Variants in GET1 observed in about 807,000 individuals in gnomAD.
The protein encoded by GET1 is congenital heart disease 5 protein.
GET1 carries 20 observed loss-of-function variants against 22.6 expected under a neutral mutation model. The ratio of observed to expected loss-of-function variants is 0.89; its 90% CI spans 0.62 to 1.29. The LOEUF is 1.29. GET1 is among the 50% of genes most tolerant of loss of function. The pLI is 0.00. For synonymous variants in GET1, 92 were observed against 83.8 expected, an observed-to-expected ratio of 1.10 and a Z score of -0.53; for missense variants, 209 against 219.9, an observed-to-expected ratio of 0.95 and a Z score of 0.31.
intron 1 of GET1, among the ~76,000 whole-genome samples, chr21:39,425,644 C>G (rs1353392123): frequency 2.0e-5 from 3 of 152,084 alleles, no homozygotes; most frequent in Non-Finnish European, 4.4e-5. Flanking sequence ...TAGGGAAGCT[C>G]TAGACCCAGG....
chr21:39,417,827 G>A (rs544717477), intron 1 of GET1, among the ~76,000 whole-genome samples: 41 of 152,000 alleles, frequency 2.7e-4, no homozygotes, highest in East Asian at 2.3e-3. Flanking sequence ...GTGCGGTGGC[G>A]TGATCTCCGC....
At chr21:39,398,901 A>G (rs2038769581), downstream of GET1, among the ~76,000 whole-genome samples, 2 of 149,370 alleles carry the variant, frequency 1.3e-5, no homozygotes, top group African/African-American at 5.0e-5. Context: ...CATGACGCCC[A>G]GCTAATTTTT....
downstream of GET1, among the ~76,000 whole-genome samples, chr21:39,400,876 T>G (rs959449134): frequency 2.0e-5 from 3 of 151,946 alleles, no homozygotes; most frequent in African/African-American, 7.3e-5. Flanking sequence ...AAGGGTAGGG[T>G]AATCATTCCT....
intron 1 of GET1, chr21:39,387,689 A>ACC (rs2038000243): frequency 7.8e-5 from 13 of 165,626 alleles, no homozygotes; most frequent in African/African-American, 5.9e-4. Flanking sequence ...TACTCCCCAC[A>ACC]CTCCCCCCCC....
chr21:39,385,707 A>T (rs563184587), intron 1 of GET1, among the ~76,000 whole-genome samples: 1 of 151,432 alleles, frequency 6.6e-6, no homozygotes, highest in Admixed American at 6.6e-5. Flanking sequence ...GCGTCGCAGG[A>T]CTGGCCCGGG....
chr21:39,407,047 C>T (rs143896955), downstream of GET1, among the ~76,000 whole-genome samples: 540 of 152,052 alleles, frequency 3.6e-3, 6 homozygotes, highest in African/African-American at 0.012. Flanking sequence ...GGCAACATAG[C>T]GAAACCCTGT....
chr21:39,420,584 G>C (rs2042136899), intron 1 of GET1: 1 of 678,850 alleles, frequency 1.5e-6, no homozygotes, highest in South Asian at 2.8e-5. Flanking sequence ...CCCTACAAAG[G>C]GTAGAGGAGC....
At chr21:39,392,871 T>A in intron 3 of GET1, 1 of 302,960 alleles carries the variant, frequency 3.3e-6, no homozygotes. Context: ...GTAGATTGTG[T>A]TCATCCTAAA....
At chr21:39,391,020 T>TCTG in intron 2 of GET1, 157 bp downstream of exon 2, 1 of 720,696 alleles carries the variant, frequency 1.4e-6, no homozygotes, top group Non-Finnish European at 2.1e-6. Context: ...AAGTATTACT[T>TCTG]TCCTCTTATT....
At chr21:39,415,724 ATC>A (rs1485500478) in intron 1 of GET1, among the ~76,000 whole-genome samples, 1 of 152,198 alleles carries the variant, frequency 6.6e-6, no homozygotes, top group East Asian at 1.9e-4. Context: ...TGATTAATAT[ATC>A]TCTTACTGTC....
At chr21:39,390,168 A>G (rs1360885857) in intron 1 of GET1, among the ~76,000 whole-genome samples, 1 of 151,162 alleles carries the variant, frequency 6.6e-6, no homozygotes, top group Non-Finnish European at 1.5e-5. Context: ...AGGAAGGTGT[A>G]CCGGTTCTGT....
At chr21:39,391,623 T>C in intron 2 of GET1, 146 bp from the exon 3 acceptor site, 2 of 798,376 alleles carry the variant, frequency 2.5e-6, no homozygotes, top group Non-Finnish European at 3.9e-6. Flanking sequence ...TTAAAAATTC[T>C]ATTTTATATT....
chr21:39,387,919 C>T (rs2038030079), intron 1 of GET1: 2 of 869,528 alleles, frequency 2.3e-6, no homozygotes, highest in African/African-American at 3.7e-5. Context: ...TTTAGATACA[C>T]TATAACATTT....
At chr21:39,419,675 A>G (rs1312112432) in intron 1 of GET1, among the ~76,000 whole-genome samples, 1 of 152,088 alleles carries the variant, frequency 6.6e-6, no homozygotes, top group Non-Finnish European at 1.5e-5. Flanking sequence ...AATCCTTGTG[A>G]ATGGGATTAG....
In GET1 at chr21:39,420,001, T is replaced by C. The variant is rs62225176; in HGVS notation, c.*24-8231T>C. 5.0e-3 allele frequency among the ~76,000 whole-genome samples: 765 copies of C among 152,216 alleles called. 6 individuals carry two copies. Among genetic ancestry groups the C allele is most frequent in the Admixed American group, 8.8e-3 (134 of 15,292 alleles). On this transcript the variant is annotated intron_variant, in intron 1 of 1. Transcript: ENST00000478273. ...AGTCATTAAAATTTATCTTAAATAT[T>C]ATGTTTTTAAACGTTAATTTTGAGT...
At chr21:39,413,362 A>G (rs550603820) in intron 1 of GET1, among the ~76,000 whole-genome samples, 4 of 152,312 alleles carry the variant, frequency 2.6e-5, no homozygotes, top group Admixed American at 2.0e-4. Flanking sequence ...TTTGAGTTAG[A>G]AGAGACTGAG....
exon 5 of GET1, chr21:39,406,329 T>A: frequency 6.2e-7 from 1 of 1,614,178 alleles, no homozygotes; most frequent in Non-Finnish European, 8.5e-7. Flanking sequence ...ATGAGTAATG[T>A]CTTCTTTGTC....
At chr21:39,393,114 G>A in intron 3 of GET1, 52 bp from the exon 4 acceptor site, 2 of 1,466,624 alleles carry the variant, frequency 1.4e-6, no homozygotes, top group South Asian at 2.3e-5. Flanking sequence ...CCTTCTGTGT[G>A]GTCGGTTGTG....
Position 39,397,132 on chromosome 21 carries a change from C to A in GET1, c.*193C>A. ...ACGATTTTCTACACCTGTCATTGAG[C>A]CAAGAAAGTCCAGTTTATGACACGT... On this transcript the variant is annotated 3_prime_UTR_variant, in exon 5 of 5. Coordinates refer to ENST00000649170, the MANE Select transcript of GET1 (RefSeq NM_004627.6). 1.6e-6 allele frequency: 1 copy of A among 615,250 alleles called. No homozygotes were observed. Among genetic ancestry groups the A allele is most frequent in the Non-Finnish European group, 2.8e-6 (1 of 354,996 alleles). The allele number at this position is 615,250 out of a possible 1,614,324, so 38.1% of individuals were successfully genotyped here.
Sources: allele counts gnomAD v4.1 joint callset (sites outside exome capture counted in the v4.1 genomes callset), GRCh38; gene constraint gnomAD v4.1.1; transcripts MANE v1.5; gene names NCBI Gene and HGNC (gene_info 2026-07-23, HGNC 2026-07-21).